ADCY10: variants seen among roughly 807,000 people sequenced by gnomAD.
ADCY10 encodes the protein adenylate cyclase 10, also known as adenylate cyclase type 10.
A neutral mutation model predicts 183.3 loss-of-function variants in ADCY10; 156 were observed. The ratio of observed to expected loss-of-function variants is 0.85; its 90% confidence interval spans 0.75 to 0.97. ADCY10 has a LOEUF of 0.97. Ranked by LOEUF, ADCY10 falls within the 50% of genes least tolerant of loss-of-function variation. The pLI is 0.00. For synonymous variants in ADCY10, 645 were observed against 670.0 expected, an observed-to-expected ratio of 0.96 and a Z score of 0.58; for missense variants, 1,745 against 1,934.3, an observed-to-expected ratio of 0.90 and a Z score of 1.84.
chr1:167,845,854 C>T lies in ADCY10; in HGVS notation c.2717-1G>A. On this transcript the variant is annotated splice_acceptor_variant, in intron 20 of 32. Coordinates refer to ENST00000367851, the MANE Select transcript of ADCY10 (RefSeq NM_018417.6). LOFTEE classifies it high-confidence loss of function. ...CGAAGCTGTTCCTCTTCACCGTGAT[C>T]TGGAGAGAGCAAAAAGGGTTTTTCA... is the stretch of plus-strand genomic sequence containing the variant. 1.2e-6 allele frequency: 2 copies of T among 1,614,102 alleles called. No homozygotes were observed. The highest frequency in any genetic ancestry group is 1.6e-4 in the Middle Eastern group (1 of 6,062).
intron 18 of ADCY10, 119 bp from the exon 19 acceptor site, chr1:167,848,608 G>A: frequency 8.9e-7 from 1 of 1,127,914 alleles, no homozygotes; most frequent in Non-Finnish European, 1.3e-6. Context: ...ATGTATATTG[G>A]CTCACCAAAT....
intron 32 of ADCY10, 107 bp downstream of exon 32, chr1:167,810,618 A>T: frequency 9.8e-7 from 1 of 1,023,316 alleles, no homozygotes; most frequent in Non-Finnish European, 1.5e-6. Context: ...CCAGTCTAAG[A>T]TATTTTGTTA....
intron 1 of ADCY10, among the ~76,000 whole-genome samples, chr1:167,906,826 G>T (rs1669855634): frequency 6.6e-6 from 1 of 151,832 alleles, no homozygotes; most frequent in Admixed American, 6.6e-5. Context: ...AAAGGTACAA[G>T]AAAATTGAAT....
intron 7 of ADCY10, among the ~76,000 whole-genome samples, chr1:167,894,779 G>A (rs754695029): frequency 6.6e-6 from 1 of 152,138 alleles, no homozygotes. Context: ...GTAGGTAGTT[G>A]GTCAGAAGTG....
At chr1:167,874,776 T>G (rs188560515) in intron 13 of ADCY10, among the ~76,000 whole-genome samples, 27 of 152,252 alleles carry the variant, frequency 1.8e-4, no homozygotes, top group African/African-American at 6.3e-4. Context: ...GAATACTACA[T>G]AGTAATGACA....
At chr1:167,828,879 T>C (rs1394998364) in intron 26 of ADCY10, among the ~76,000 whole-genome samples, 1 of 152,096 alleles carries the variant, frequency 6.6e-6, no homozygotes, top group African/African-American at 2.4e-5. Flanking sequence ...AGAGAATCTC[T>C]TGAACCCGGG....
intron 14 of ADCY10, among the ~76,000 whole-genome samples, chr1:167,863,375 C>T (rs974266159): frequency 6.6e-6 from 1 of 152,118 alleles, no homozygotes; most frequent in African/African-American, 2.4e-5. Flanking sequence ...TGTCACGTAC[C>T]CCCTGGCTTA....
intron 19 of ADCY10, among the ~76,000 whole-genome samples, chr1:167,847,311 C>T (rs1665115192): frequency 1.3e-5 from 2 of 152,196 alleles, no homozygotes; most frequent in Non-Finnish European, 2.9e-5. Context: ...CCTTTCTAAA[C>T]ATTGAAAGTT....
intron 8 of ADCY10, among the ~76,000 whole-genome samples, chr1:167,893,485 G>A (rs1000916445): frequency 2.0e-5 from 3 of 151,970 alleles, no homozygotes; most frequent in African/African-American, 7.2e-5. Flanking sequence ...GGGTGAGGCG[G>A]GCAGATTTCT....
chr1:167,809,903 G>A, intron 32 of ADCY10, 64 bp from the exon 33 acceptor site: 2 of 1,541,616 alleles, frequency 1.3e-6, no homozygotes, highest in Non-Finnish European at 1.8e-6. Context: ...ATCAAGGTTA[G>A]TCCAATATCA....
intron 17 of ADCY10, 116 bp from the exon 18 acceptor site, chr1:167,854,605 T>C: frequency 1.5e-6 from 2 of 1,372,812 alleles, no homozygotes; most frequent in East Asian, 4.7e-5. Context: ...CATTTGTTTC[T>C]GTTTGTTTTC....
chr1:167,817,065 G>T (rs1662575792), intron 31 of ADCY10, among the ~76,000 whole-genome samples: 1 of 152,072 alleles, frequency 6.6e-6, no homozygotes, highest in Non-Finnish European at 1.5e-5. Flanking sequence ...TGTGAGTTAA[G>T]AAGTGGTGTT....
At position 167,896,616 on chromosome 1, in the gene ADCY10, A is replaced by G; in HGVS notation, c.718T>C (p.Tyr240His). 1 of 1,613,460 alleles carries G rather than the reference A, an allele frequency of 6.2e-7. No individual in the cohort carries two copies. The highest frequency in any genetic ancestry group is 8.5e-7 in the Non-Finnish European group (1 of 1,179,368). ...TTACTTTTGTGCTCACCAGAAGGAT[A>G]ATAATGCATGAAGGTCGTACACTTT... is the stretch of plus-strand genomic sequence containing the variant. ...FTKCTTFMHY[Y>H]PSGEHKNLLR... Residue 240 changes from tyrosine to histidine, a missense_variant, in exon 7 of 33, where the codon TAT becomes CAT. Physicochemically the swap from Tyr to His is moderately conservative, Grantham distance 83 (BLOSUM62 2). Coordinates refer to ENST00000367851, the MANE Select transcript of ADCY10 (RefSeq NM_018417.6).
At chr1:167,817,010 G>T (rs1662572120) in intron 31 of ADCY10, among the ~76,000 whole-genome samples, 1 of 152,110 alleles carries the variant, frequency 6.6e-6, no homozygotes, top group Non-Finnish European at 1.5e-5. Flanking sequence ...CATCTCCTAA[G>T]CAGAGATCCC....
At chr1:167,866,315 C>T (rs1410688187) in intron 14 of ADCY10, among the ~76,000 whole-genome samples, 1 of 152,004 alleles carries the variant, frequency 6.6e-6, no homozygotes, top group African/African-American at 2.4e-5. Context: ...CAATTGGAGT[C>T]CCACGAGGAA....
chr1:167,823,104 C>G lies in ADCY10; in HGVS notation c.4072G>C (p.Val1358Leu). Residue 1358 changes from valine to leucine, a missense_variant, in exon 29 of 33, where the codon GTG (valine) becomes CTG (leucine). Coordinates refer to ENST00000367851, the MANE Select transcript of ADCY10 (RefSeq NM_018417.6). ...LNSRYPQLIQ[V>L]LGRLWELSVT... The stretch of plus-strand genomic sequence containing the variant: ...GAAAGCTCCCACAGCCGCCCCAGCA[C>G]CTGGATCAATTGCGGGTATCTATGG... 6.2e-7 allele frequency: 1 copy of G among 1,614,130 alleles called. No homozygotes were observed. Among genetic ancestry groups the G allele is most frequent in the Middle Eastern group, 1.6e-4 (1 of 6,062 alleles).
At chr1:167,861,312 T>A (rs1249948619) in intron 14 of ADCY10, among the ~76,000 whole-genome samples, 1 of 152,180 alleles carries the variant, frequency 6.6e-6, no homozygotes, top group African/African-American at 2.4e-5. Flanking sequence ...ACTACCACAA[T>A]AGCAAGCCAC....
Position 167,854,385 on chromosome 1 carries a change from T to C in ADCY10, c.2276A>G (p.Glu759Gly), listed in dbSNP as rs764586660. 3 of 1,614,206 alleles carry C rather than the reference T, an allele frequency of 1.9e-6. No homozygotes were observed. Among genetic ancestry groups the C allele is most frequent in the Admixed American group, 3.3e-5 (2 of 60,026 alleles). ...GTTATTCCAGGTCCTATTTGTCTTTTCCTCAGACTCCGTTTGTTGGAAAAC... is the reference window on the plus strand; with the variant it reads ...GTTATTCCAGGTCCTATTTGTCTTTCCCTCAGACTCCGTTTGTTGGAAAAC... ...VLVFQQTESE[E>G]KTNRTWNNLF... Residue 759 changes from glutamate to glycine, a missense_variant, in exon 18 of 33, where the codon GAA (glutamate) becomes GGA (glycine). Physicochemically the swap from Glu to Gly is moderately conservative, Grantham distance 98. Transcript: ENST00000367851.
intron 5 of ADCY10, among the ~76,000 whole-genome samples, chr1:167,900,316 C>G (rs1049246014): frequency 2.0e-5 from 3 of 152,148 alleles, no homozygotes; most frequent in African/African-American, 7.2e-5. Flanking sequence ...ATTCTACATA[C>G]AGTTTGTTTT....
Sources: allele counts gnomAD v4.1 joint callset (sites outside exome capture counted in the v4.1 genomes callset), GRCh38; gene constraint gnomAD v4.1.1; transcripts MANE v1.5; gene names NCBI Gene and HGNC (gene_info 2026-07-23, HGNC 2026-07-21).